KIF3C: variants seen among roughly 807,000 people sequenced by gnomAD.
KIF3C encodes the protein kinesin-like protein KIF3C.
In KIF3C, 12 loss-of-function variants were observed where a neutral mutation model predicts 67.7. That is an observed-to-expected ratio of 0.18 (90% CI 0.11 to 0.29). The LOEUF (loss-of-function observed/expected upper bound fraction) is 0.29. Among genes scored for constraint, KIF3C ranks in the 10% least tolerant of loss-of-function variants. The probability of loss-of-function intolerance (pLI) is 1.00; values close to 1 mark genes in which losing one functional copy is unlikely to be tolerated. For synonymous variants in KIF3C, 393 were observed against 426.2 expected (o/e 0.92, Z 0.96); for missense variants, 789 against 1,059.6 (o/e 0.74, Z 3.55).
chr2:25,966,784 G>T (rs967758422), intron 1 of KIF3C, among the ~76,000 whole-genome samples: 4 of 152,170 alleles, frequency 2.6e-5, no homozygotes, highest in Non-Finnish European at 5.9e-5. Context: ...GTGACATTCC[G>T]CAGGAGACAG....
intron 5 of KIF3C, among the ~76,000 whole-genome samples, chr2:25,932,868 CAAAA>C (rs2090473806): frequency 6.7e-6 from 1 of 149,562 alleles, no homozygotes; most frequent in African/African-American, 2.5e-5. Flanking sequence ...CAAAACAAAA[CAAAA>C]CAAAACAAAA....
Position 25,980,363 on chromosome 2 carries a change from G to A in KIF3C, c.1545+10C>T. 1 of 1,605,874 alleles carries A rather than the reference G, an allele frequency of 6.2e-7. No individual in the cohort carries two copies. Among genetic ancestry groups the A allele is most frequent in the Non-Finnish European group, 8.5e-7 (1 of 1,175,082 alleles). ...ACATCTCGAGTGCCCAGCTCCTCTG[G>A]GGCCCTTACCTTGTACTTGGCCGCA... On this transcript the variant is annotated intron_variant, in intron 1 of 7. Coordinates refer to ENST00000264712, the MANE Select transcript of KIF3C (RefSeq NM_002254.8). The surrounding 1 kb of genome is among the most constrained non-coding windows in gnomAD (Gnocchi z 7.6).
chr2:25,960,823 C>G (rs1366514205), intron 1 of KIF3C, among the ~76,000 whole-genome samples: 2 of 152,180 alleles, frequency 1.3e-5, no homozygotes, highest in Non-Finnish European at 2.9e-5. Flanking sequence ...GTGGTCCCAG[C>G]TACTCGCAAG....
chr2:25,960,607 T>C (rs1663919090), intron 1 of KIF3C, among the ~76,000 whole-genome samples: 1 of 152,140 alleles, frequency 6.6e-6, no homozygotes, highest in Non-Finnish European at 1.5e-5. Flanking sequence ...GAGCTTTCAC[T>C]GGAAAAATGA....
intron 5 of KIF3C, among the ~76,000 whole-genome samples, chr2:25,931,097 A>G (rs998993962): frequency 4.6e-5 from 7 of 152,180 alleles, no homozygotes; most frequent in South Asian, 4.1e-4. Flanking sequence ...AAAATTTAAA[A>G]TAAACCTCAT....
intron 1 of KIF3C, among the ~76,000 whole-genome samples, chr2:25,965,614 C>T (rs574784655): frequency 1.8e-4 from 27 of 151,730 alleles, no homozygotes; most frequent in Admixed American, 4.6e-4. Context: ...CCACCACACC[C>T]GACTAATTTT....
At chr2:25,931,723 C>T (rs1044921079) in intron 5 of KIF3C, among the ~76,000 whole-genome samples, 2 of 151,788 alleles carry the variant, frequency 1.3e-5, no homozygotes, top group African/African-American at 2.4e-5. Flanking sequence ...CTGCAACCTC[C>T]GCCTCCTGAG....
intron 5 of KIF3C, among the ~76,000 whole-genome samples, chr2:25,938,561 C>T (rs532152638): frequency 5.3e-5 from 8 of 151,978 alleles, no homozygotes; most frequent in East Asian, 1.9e-4. Context: ...AGAGGATCAG[C>T]GCAAATTGGC....
chr2:25,929,221 C>A, intron 7 of KIF3C, 84 bp downstream of exon 7: 2 of 1,518,298 alleles, frequency 1.3e-6, no homozygotes, highest in Non-Finnish European at 9.1e-7. Context: ...CGGGTACCAG[C>A]AAAACCCTCT....
At chr2:25,933,634 C>T (rs1043293702) in intron 5 of KIF3C, among the ~76,000 whole-genome samples, 13 of 151,430 alleles carry the variant, frequency 8.6e-5, no homozygotes, top group African/African-American at 3.2e-4. Context: ...GTGATCATGT[C>T]ACTGCACTCC....
chr2:25,940,238 T>C (rs1255306122), intron 5 of KIF3C, among the ~76,000 whole-genome samples: 1 of 152,092 alleles, frequency 6.6e-6, no homozygotes, highest in Non-Finnish European at 1.5e-5. Flanking sequence ...TATCCCCACT[T>C]TACAGATGAA....
At chr2:25,969,830 C>T (rs1389186919) in intron 1 of KIF3C, among the ~76,000 whole-genome samples, 2 of 152,130 alleles carry the variant, frequency 1.3e-5, no homozygotes, top group Non-Finnish European at 2.9e-5. Context: ...ATCCTCCCAC[C>T]TCAGCCTCTG....
rs1460108085 is a variant in KIF3C at position 25,981,569 on chromosome 2, G to C, written c.349C>G (p.Arg117Gly). 5 of 1,614,208 alleles carry C rather than the reference G, an allele frequency of 3.1e-6. No individual in the cohort carries two copies. Among genetic ancestry groups the C allele is most frequent in the Non-Finnish European group, 4.2e-6 (5 of 1,180,038 alleles). The change falls in exon 1 of 8, where the codon CGC becomes GGC. Residue 117 changes from arginine to glycine, a missense_variant. By Grantham distance (125) the Arg-to-Gly change is moderately radical (BLOSUM62 -2). Transcript: ENST00000264712. The surrounding 1 kb of genome is among the most constrained non-coding windows in gnomAD (Gnocchi z 8.2). ...MQGTWVEPEL[R>G]GVIPNAFEHI... The stretch of plus-strand genomic sequence containing the variant: ...TCAAAGGCATTCGGGATGACCCCGC[G>C]CAGCTCGGGCTCCACCCAGGTCCCC...
chr2:25,971,016 T>C (rs1190496222), intron 1 of KIF3C, among the ~76,000 whole-genome samples: 1 of 149,398 alleles, frequency 6.7e-6, no homozygotes, highest in Admixed American at 6.7e-5. Context: ...CTCATGCCTG[T>C]AATCCCAGCA....
rs561246596 is a variant in KIF3C at position 25,939,240 on chromosome 2, T to C, written c.2007-9177A>G. ...GCCTTGGCCTCCCAAAGTGCTGGGATTACAGGTGTGAGCCACCGCGGCTGG... is the reference window on the plus strand; with the variant it reads ...GCCTTGGCCTCCCAAAGTGCTGGGACTACAGGTGTGAGCCACCGCGGCTGG... On this transcript the variant is annotated intron_variant, in intron 5 of 7. Transcript: ENST00000264712. 3.3e-5 allele frequency among the ~76,000 whole-genome samples: 5 copies of C among 152,302 alleles called. No individual in the cohort carries two copies. The East Asian group carries it at 5.8e-4, about 18-fold the overall frequency.
Position 25,928,869 on chromosome 2 carries a change from ACACGCACATG to A in KIF3C, c.*99_*108del, listed in dbSNP as rs1286808503. On this transcript the variant is annotated 3_prime_UTR_variant, in exon 8 of 8. Coordinates refer to ENST00000264712, the MANE Select transcript of KIF3C (RefSeq NM_002254.8). ...CAGATTCTCACCCCTGCACACACGC[ACACGCACATG>A]CACGCACACGCACACGCACCAAGCG... is the stretch of plus-strand genomic sequence containing the variant. The A allele has an allele frequency of 1.2e-6, 1 of 839,842 alleles. No individual in the cohort carries two copies. The highest frequency in any genetic ancestry group is 1.7e-5 in the African/African-American group (1 of 59,530). The allele number at this position is 839,842 out of a possible 1,614,324, so 52.0% of individuals were successfully genotyped here.
At chr2:25,962,375 T>G (rs776463521) in intron 1 of KIF3C, among the ~76,000 whole-genome samples, 11 of 152,182 alleles carry the variant, frequency 7.2e-5, no homozygotes, top group Admixed American at 1.3e-4. Context: ...CCTGGTTTTT[T>G]TTTGTTTGTT....
chr2:25,979,586 C>A (rs1319950744), intron 1 of KIF3C, among the ~76,000 whole-genome samples: 2 of 152,160 alleles, frequency 1.3e-5, no homozygotes, highest in Admixed American at 6.5e-5. Flanking sequence ...CTCTTGGTCT[C>A]TGGTATAGAG....
intron 1 of KIF3C, among the ~76,000 whole-genome samples, chr2:25,978,735 G>A (rs1349763887): frequency 6.6e-6 from 1 of 152,066 alleles, no homozygotes; most frequent in African/African-American, 2.4e-5. Context: ...AGCCTTTGTT[G>A]CCTTCCAGCT....
Sources: allele counts gnomAD v4.1 joint callset (sites outside exome capture counted in the v4.1 genomes callset), GRCh38; gene constraint gnomAD v4.1.1; non-coding constraint Gnocchi (gnomAD v3.1); transcripts MANE v1.5; gene names NCBI Gene and HGNC (gene_info 2026-07-23, HGNC 2026-07-21).